Variants in RAB8A observed in about 807,000 individuals in gnomAD.
The protein encoded by RAB8A is ras-related protein Rab-8A.
Under a neutral mutation model 29.2 loss-of-function variants are expected in RAB8A, and 5 were observed. That is an observed-to-expected ratio of 0.17 (90% CI 0.09 to 0.36). The LOEUF (loss-of-function observed/expected upper bound fraction) is 0.36. RAB8A is among the 10% of genes least tolerant of loss of function. The pLI is 1.00. For synonymous variants in RAB8A, 108 were observed against 99.9 expected (o/e 1.08, Z -0.49); for missense variants, 171 against 272.2 (o/e 0.63, Z 2.62).
In RAB8A at chr19:16,125,179, G is replaced by T; in HGVS notation, c.247-291G>T. The stretch of plus-strand genomic sequence containing the variant: ...CCGTGGGCCATGAGGGGAGCCAGCC[G>T]GGCTTGTCAGCGAGTGCGTGGCAGG... On this transcript the variant is annotated intron_variant, in intron 3 of 7. Transcript: ENST00000300935. This position sits in a 1 kb window ranked among gnomAD's most constrained non-coding sequence, Gnocchi z 5.0. 4 of 504,876 alleles carry T rather than the reference G, an allele frequency of 7.9e-6. No individual in the cohort carries two copies. In the South Asian group the frequency reaches 8.8e-5, roughly 11 times the overall value. 31.3% of individuals were successfully genotyped at this position (504,876 alleles called of 1,614,324 possible).
chr19:16,121,894 A>T (rs919039404), intron 3 of RAB8A, 84 bp downstream of exon 3: 4 of 1,381,754 alleles, frequency 2.9e-6, no homozygotes, highest in Non-Finnish European at 4.1e-6. Flanking sequence ...CGAAGCCTAG[A>T]TGTTTCTGTG....
At chr19:16,129,049 C>T (rs1051887390) in intron 6 of RAB8A, among the ~76,000 whole-genome samples, 5 of 152,230 alleles carry the variant, frequency 3.3e-5, no homozygotes, top group East Asian at 1.9e-4. Flanking sequence ...GGCAAGGACT[C>T]CGAGTGAAGC....
chr19:16,126,636 C>G (rs1366887756), intron 4 of RAB8A: 1 of 152,302 alleles, frequency 6.6e-6, no homozygotes, highest in East Asian at 1.9e-4. Flanking sequence ...GGTGAAGTGC[C>G]TGCAGCTGGT....
intron 2 of RAB8A, among the ~76,000 whole-genome samples, chr19:16,118,881 C>A (rs534676031): frequency 6.6e-6 from 1 of 152,206 alleles, no homozygotes; most frequent in South Asian, 2.1e-4. Flanking sequence ...AGTGGGGAGA[C>A]TCCAAGTCGC....
intron 1 of RAB8A, among the ~76,000 whole-genome samples, chr19:16,114,915 A>G (rs1216559372): frequency 1.3e-5 from 2 of 150,544 alleles, no homozygotes; most frequent in Admixed American, 6.7e-5. Context: ...CTTAGGCCTC[A>G]TAAAGTTTAC....
At chr19:16,130,855 G>A (rs554400210) in intron 7 of RAB8A, among the ~76,000 whole-genome samples, 30 of 151,488 alleles carry the variant, frequency 2.0e-4, no homozygotes, top group East Asian at 7.8e-4. Flanking sequence ...AAGGAGTCTC[G>A]CTCTGTTGCC....
In RAB8A at chr19:16,132,100, G is replaced by T; in HGVS notation, c.532-112G>T. ...TGTTTGGTTGGTTGGTTGGTTGGTTGGTTGGATGGTTGGATGGATGGTTAG... is the reference window on the plus strand; with the variant it reads ...TGTTTGGTTGGTTGGTTGGTTGGTTTGTTGGATGGTTGGATGGATGGTTAG... On this transcript the variant is annotated intron_variant, in intron 7 of 7. Transcript: ENST00000300935. The surrounding 1 kb of genome is among the most constrained non-coding windows in gnomAD (Gnocchi z 5.6). 3 of 842,438 alleles carry T rather than the reference G, an allele frequency of 3.6e-6. No homozygotes were observed. Among genetic ancestry groups the T allele is most frequent in the Non-Finnish European group, 5.8e-6 (3 of 516,344 alleles). The allele number at this position is 842,438 out of a possible 1,614,324, so 52.2% of individuals were successfully genotyped here. A position where few individuals can be genotyped will look rare whatever the true frequency, so the allele number is the denominator to read the frequency against.
rs775788320 is a variant in RAB8A, at chr19:16,121,813, A to G, written c.246+3A>G. 3.7e-6 allele frequency: 6 copies of G among 1,613,072 alleles called. No individual in the cohort carries two copies. In the Admixed American group the frequency reaches 1.0e-4, roughly 27 times the overall value. On this transcript the variant is annotated splice_donor_region_variant and intron_variant, in intron 3 of 7. Transcript: ENST00000300935. ...CGGCCTACTACAGGGGTGCAATGGT[A>G]GGGACTTTTTGTTTGGTTGTTTTTA...
intron 2 of RAB8A, among the ~76,000 whole-genome samples, chr19:16,121,352 G>T (rs1014061836): frequency 2.0e-5 from 3 of 152,174 alleles, no homozygotes; most frequent in Admixed American, 1.3e-4. Context: ...GATGAGGAGG[G>T]ACTTTCCCCA....
chr19:16,132,307 A>G lies in RAB8A; in HGVS notation c.*3A>G, dbSNP rs367644940. On this transcript the variant is annotated 3_prime_UTR_variant, in exon 8 of 8. Transcript: ENST00000300935. This position sits in a 1 kb window ranked among gnomAD's most constrained non-coding sequence, Gnocchi z 5.6. ...TTTTCCGATGTGTTCTTCTGTGAGG[A>G]ACACCGCCTTACTCTGAGCCTCGCT... The G allele has an allele frequency of 1.6e-4, 255 of 1,613,604 alleles. No individual in the cohort carries two copies. Among genetic ancestry groups the G allele is most frequent in the Non-Finnish European group, 1.9e-4 (221 of 1,179,812 alleles).
intron 2 of RAB8A, among the ~76,000 whole-genome samples, chr19:16,118,630 C>A (rs182137589): frequency 6.6e-6 from 1 of 152,152 alleles, no homozygotes. Flanking sequence ...GTGCTGGTGA[C>A]GCCTGCAGGG....
chr19:16,128,143 C>G, intron 6 of RAB8A, 52 bp downstream of exon 6: 1 of 1,577,876 alleles, frequency 6.3e-7, no homozygotes, highest in Non-Finnish European at 8.7e-7. Flanking sequence ...TCGGCCCCTT[C>G]AGGCTAAAGG....
At position 16,121,943 on chromosome 19, in the gene RAB8A, A is replaced by T. The variant is rs1365516913; in HGVS notation, c.246+133A>T. The T allele has an allele frequency of 6.1e-6, 5 of 817,398 alleles. No individual in the cohort carries two copies. The African/African-American group carries it at 8.6e-5, about 14-fold the overall frequency. The allele number at this position is 817,398 out of a possible 1,614,324, so 50.6% of individuals were successfully genotyped here. Reference sequence around the variant, plus strand: ...AACTCCTCAGGGCTCCTTGGTCCCAAGTTAGTCTTAGGAACAGGCTTTGTG... The same window carrying T: ...AACTCCTCAGGGCTCCTTGGTCCCATGTTAGTCTTAGGAACAGGCTTTGTG... On this transcript the variant is annotated intron_variant, in intron 3 of 7. Transcript: ENST00000300935.
At chr19:16,117,351 T>C (rs1390771576) in intron 1 of RAB8A, among the ~76,000 whole-genome samples, 1 of 151,976 alleles carries the variant, frequency 6.6e-6, no homozygotes, top group African/African-American at 2.4e-5. Context: ...TGGCCGGGCA[T>C]TGTGGCAGGC....
At position 16,125,129 on chromosome 19, in the gene RAB8A, G is replaced by A; in HGVS notation, c.247-341G>A. On this transcript the variant is annotated intron_variant, in intron 3 of 7. Coordinates refer to ENST00000300935, the MANE Select transcript of RAB8A (RefSeq NM_005370.5). This position sits in a 1 kb window ranked among gnomAD's most constrained non-coding sequence, Gnocchi z 5.0. ...CTGCTGGCAGTGGGCCTGTGGACCG[G>A]CTCCCACCGTCAGGCTGCACCACCC... 2.4e-6 allele frequency: 1 copy of A among 411,370 alleles called. No homozygotes were observed. The highest frequency in any genetic ancestry group is 4.7e-5 in the East Asian group (1 of 21,438). 25.5% of individuals were successfully genotyped at this position (411,370 alleles called of 1,614,324 possible).
rs113608762 is a variant in RAB8A at position 16,133,453 on chromosome 19, C to G, written c.*1149C>G. 4 of 144,906 alleles carry G rather than the reference C, an allele frequency of 2.8e-5. No homozygotes were observed. Among genetic ancestry groups the G allele is most frequent in the African/African-American group, 1.0e-4 (4 of 39,630 alleles). 9.0% of individuals were successfully genotyped at this position (144,906 alleles called of 1,614,324 possible). Reference sequence around the variant, plus strand: ...TCACCAGCCTTTTCTTTTTTTCTTTCTTTTTTTTTTTTTCCTCCTTAAGCT... The same window carrying G: ...TCACCAGCCTTTTCTTTTTTTCTTTGTTTTTTTTTTTTTCCTCCTTAAGCT... On this transcript the variant is annotated 3_prime_UTR_variant, in exon 8 of 8. Transcript: ENST00000300935.
intron 1 of RAB8A, among the ~76,000 whole-genome samples, chr19:16,117,381 C>T (rs973174949): frequency 1.3e-5 from 2 of 151,192 alleles, no homozygotes; most frequent in Non-Finnish European, 2.9e-5. Context: ...CCCAGCTACT[C>T]GGGAGGCTGA....
chr19:16,132,416 GC>G lies in RAB8A; in HGVS notation c.*114del. 1.0e-6 allele frequency: 1 copy of G among 954,926 alleles called. No homozygotes were observed. The highest frequency in any genetic ancestry group is 1.6e-6 in the Non-Finnish European group (1 of 634,490). The allele number at this position is 954,926 out of a possible 1,614,324, so 59.2% of individuals were successfully genotyped here. A position where few individuals can be genotyped will look rare whatever the true frequency, so the allele number is the denominator to read the frequency against. On this transcript the variant is annotated 3_prime_UTR_variant, in exon 8 of 8. Coordinates refer to ENST00000300935, the MANE Select transcript of RAB8A (RefSeq NM_005370.5). This position sits in a 1 kb window ranked among gnomAD's most constrained non-coding sequence, Gnocchi z 5.6. The stretch of plus-strand genomic sequence containing the variant: ...CCTCCAACGCCCCGCCCACGCCGCG[GC>G]CACCGGGCCCACGGCCACCAGAATG...
At chr19:16,117,316 C>A (rs2090850509) in intron 1 of RAB8A, among the ~76,000 whole-genome samples, 1 of 151,930 alleles carries the variant, frequency 6.6e-6, no homozygotes, top group East Asian at 1.9e-4. Context: ...CGGTGAAACC[C>A]CATCTCTACT....
Sources: allele counts gnomAD v4.1 joint callset (sites outside exome capture counted in the v4.1 genomes callset), GRCh38; gene constraint gnomAD v4.1.1; non-coding constraint Gnocchi (gnomAD v3.1); transcripts MANE v1.5; gene names NCBI Gene and HGNC (gene_info 2026-07-23, HGNC 2026-07-21).